Variants in RAPGEF1 observed in about 807,000 individuals in gnomAD.
The protein encoded by RAPGEF1 is CRK SH3-binding GNRP.
Under a neutral mutation model 143.3 loss-of-function variants are expected in RAPGEF1, and 33 were observed. The ratio of observed to expected loss-of-function variants is 0.23; its 90% CI spans 0.17 to 0.31. RAPGEF1 has a LOEUF of 0.31. RAPGEF1 is among the 10% of genes least tolerant of loss of function. RAPGEF1 has a pLI of 1.00. For synonymous variants in RAPGEF1, 629 were observed against 676.5 expected, an observed-to-expected ratio of 0.93 and a Z score of 1.09; for missense variants, 1,199 against 1,645.4, an observed-to-expected ratio of 0.73 and a Z score of 4.69.
At chr9:131,638,864 C>A in intron 4 of RAPGEF1, 73 bp from the exon 5 acceptor site, 2 of 1,453,866 alleles carry the variant, frequency 1.4e-6, no homozygotes, top group Non-Finnish European at 9.3e-7. Flanking sequence ...GCCAGCTTCT[C>A]GGTGACAAGG....
At position 131,579,451 on chromosome 9, in the gene RAPGEF1, G is replaced by A. The variant is rs202051555; in HGVS notation, c.*46C>T. On this transcript the variant is annotated 3_prime_UTR_variant, in exon 27 of 27. Coordinates refer to ENST00000683357, the MANE Select transcript of RAPGEF1 (RefSeq NM_001377935.1). Reference sequence around the variant, plus strand: ...CAAGGTCCTCTCCGGTCTGGGAGCTGCCCTCTGCGCCCCTCGAGCATTCTC... The same window carrying A: ...CAAGGTCCTCTCCGGTCTGGGAGCTACCCTCTGCGCCCCTCGAGCATTCTC... 4 of 1,601,410 alleles carry A rather than the reference G, an allele frequency of 2.5e-6. No homozygotes were observed. Among genetic ancestry groups the A allele is most frequent in the African/African-American group, 2.7e-5 (2 of 74,534 alleles).
intron 5 of RAPGEF1, among the ~76,000 whole-genome samples, chr9:131,635,463 G>A (rs1015400101): frequency 2.6e-5 from 4 of 151,496 alleles, no homozygotes; most frequent in South Asian, 2.1e-4. Flanking sequence ...AATGGGTTAC[G>A]TAAACAACGG....
At chr9:131,677,566 T>A (rs543538154) in intron 1 of RAPGEF1, among the ~76,000 whole-genome samples, 1 of 152,224 alleles carries the variant, frequency 6.6e-6, no homozygotes, top group Admixed American at 6.5e-5. Context: ...TTTTTAGCAG[T>A]CCATTTTGCT....
At chr9:131,691,144 T>C (rs1369986067) in intron 1 of RAPGEF1, among the ~76,000 whole-genome samples, 1 of 152,238 alleles carries the variant, frequency 6.6e-6, no homozygotes, top group Non-Finnish European at 1.5e-5. Context: ...TTACTGTATT[T>C]GCCTTCTGAA....
At chr9:131,638,404 AT>A (rs1966851473) in intron 5 of RAPGEF1, among the ~76,000 whole-genome samples, 1 of 152,240 alleles carries the variant, frequency 6.6e-6, no homozygotes, top group South Asian at 2.1e-4. Flanking sequence ...ACTCACTAAG[AT>A]TTAATGCAGT....
intron 1 of RAPGEF1, among the ~76,000 whole-genome samples, chr9:131,705,294 T>G (rs1313991119): frequency 6.6e-6 from 1 of 152,026 alleles, no homozygotes; most frequent in Non-Finnish European, 1.5e-5. Flanking sequence ...GTGCAAGTGC[T>G]GGGGACAAAA....
Position 131,710,710 on chromosome 9 carries a change from G to A in RAPGEF1, c.61+29060C>T, listed in dbSNP as rs1039177946. Among the ~76,000 whole-genome samples the A allele has an allele frequency of 1.1e-4, 16 of 152,188 alleles. 1 individual carries two copies. Among genetic ancestry groups the A allele is most frequent in the South Asian group, 8.3e-4 (4 of 4,820 alleles). ...TCAAAACCAGACTGGCCAACATGGT[G>A]AAACCCTGTCGCTACTAACAATACA... is the stretch of plus-strand genomic sequence containing the variant. On this transcript the variant is annotated intron_variant, in intron 1 of 26. Transcript: ENST00000683357.
intron 4 of RAPGEF1, 51 bp downstream of exon 4, chr9:131,643,188 T>G: frequency 6.5e-7 from 1 of 1,542,318 alleles, no homozygotes; most frequent in Non-Finnish European, 8.7e-7. Context: ...ACCAAGATGC[T>G]TCTAAGGCTT....
chr9:131,696,333 G>A (rs143046910), intron 1 of RAPGEF1, among the ~76,000 whole-genome samples: 25 of 152,286 alleles, frequency 1.6e-4, no homozygotes, highest in African/African-American at 6.0e-4. Flanking sequence ...TATTTTTTAA[G>A]GGCCCAGAGC....
intron 1 of RAPGEF1, among the ~76,000 whole-genome samples, chr9:131,732,349 G>C (rs901084622): frequency 3.9e-5 from 6 of 152,226 alleles, no homozygotes; most frequent in African/African-American, 1.2e-4. Context: ...ACACAGGGCA[G>C]AACGAGCATT....
intron 12 of RAPGEF1, among the ~76,000 whole-genome samples, chr9:131,612,991 C>T (rs1411711242): frequency 6.6e-6 from 1 of 152,216 alleles, no homozygotes; most frequent in African/African-American, 2.4e-5. Flanking sequence ...CACAGCCCAT[C>T]CCCTCTCCTC....
At chr9:131,654,055 T>C (rs1971784746) in intron 1 of RAPGEF1, among the ~76,000 whole-genome samples, 1 of 152,228 alleles carries the variant, frequency 6.6e-6, no homozygotes, top group East Asian at 1.9e-4. Flanking sequence ...ATTCCATTCA[T>C]TTGAAATGTC....
At chr9:131,671,687 G>A (rs574355721) in intron 1 of RAPGEF1, among the ~76,000 whole-genome samples, 22 of 152,306 alleles carry the variant, frequency 1.4e-4, no homozygotes, top group Admixed American at 5.9e-4. Context: ...ATGAATGGAG[G>A]CCCTGGAACC....
intron 1 of RAPGEF1, among the ~76,000 whole-genome samples, chr9:131,688,250 A>G (rs1030992381): frequency 6.6e-6 from 1 of 152,228 alleles, no homozygotes; most frequent in African/African-American, 2.4e-5. Flanking sequence ...CCACAAGTTA[A>G]GAACTTCAGG....
intron 12 of RAPGEF1, among the ~76,000 whole-genome samples, chr9:131,610,685 G>A (rs186732718): frequency 2.9e-3 from 435 of 152,296 alleles, no homozygotes; most frequent in Non-Finnish European, 4.5e-3. Context: ...GAATCAATGG[G>A]AGCCACAGCT....
chr9:131,616,532 C>T (rs1959039970), intron 12 of RAPGEF1, among the ~76,000 whole-genome samples: 1 of 152,192 alleles, frequency 6.6e-6, no homozygotes, highest in African/African-American at 2.4e-5. Context: ...TCAGTATCCA[C>T]CTCCATTTAA....
At position 131,650,732 on chromosome 9, in the gene RAPGEF1, G is replaced by C; in HGVS notation, c.201+78C>G. On this transcript the variant is annotated intron_variant, in intron 2 of 26. Transcript: ENST00000683357. This position sits in a 1 kb window ranked among gnomAD's most constrained non-coding sequence, Gnocchi z 4.7. ...GATGCACTGAAAGCTCAATCCCCAG[G>C]GAGGGAACATACAAATCGCACAAAC... is the stretch of plus-strand genomic sequence containing the variant. 6.4e-7 allele frequency: 1 copy of C among 1,553,832 alleles called. No individual in the cohort carries two copies. The highest frequency in any genetic ancestry group is 8.7e-7 in the Non-Finnish European group (1 of 1,144,888).
chr9:131,581,699 C>A (rs1184665057), intron 25 of RAPGEF1, among the ~76,000 whole-genome samples: 1 of 152,142 alleles, frequency 6.6e-6, no homozygotes. Context: ...GAGACTCCAT[C>A]ACAAACAAAG....
chr9:131,607,876 T>C (rs1415166305), intron 12 of RAPGEF1, among the ~76,000 whole-genome samples: 1 of 152,208 alleles, frequency 6.6e-6, no homozygotes, highest in African/African-American at 2.4e-5. Flanking sequence ...CATACACAAA[T>C]GGCTTTTGTG....
Sources: allele counts gnomAD v4.1 joint callset (sites outside exome capture counted in the v4.1 genomes callset), GRCh38; gene constraint gnomAD v4.1.1; non-coding constraint Gnocchi (gnomAD v3.1); transcripts MANE v1.5; gene names NCBI Gene and HGNC (gene_info 2026-07-23, HGNC 2026-07-21).